Variants in RPS6KC1 observed in about 807,000 individuals in gnomAD.
RPS6KC1 encodes the protein ribosomal protein S6 kinase C1, also known as inactive ribosomal protein S6 kinase delta-1.
RPS6KC1 carries 54 observed loss-of-function variants against 103.8 expected under a neutral mutation model. The observed-to-expected ratio is 0.52, with a 90% CI of 0.42 to 0.65. The LOEUF is 0.65. RPS6KC1 is among the 30% of genes least tolerant of loss of function. The probability of loss-of-function intolerance (pLI) is 0.00; values close to 1 mark genes in which losing one functional copy is unlikely to be tolerated. For missense variants in RPS6KC1, 1,151 were observed against 1,253.8 expected (o/e 0.92, Z 1.24); for synonymous variants, 439 against 438.7 (o/e 1.00, Z -0.01).
the RPS6KC1 span, among the ~76,000 whole-genome samples, chr1:213,470,895 G>A: frequency 6.6e-6 from 1 of 152,082 alleles, no homozygotes; most frequent in African/African-American, 2.4e-5. Flanking sequence ...AAAGTGCTGG[G>A]ATTACAGGCC....
At chr1:213,418,376 C>T in the RPS6KC1 span, among the ~76,000 whole-genome samples, 6 of 152,024 alleles carry the variant, frequency 3.9e-5, no homozygotes, top group Non-Finnish European at 7.4e-5. Flanking sequence ...AACACAGCTT[C>T]GCCCTGAGGA....
At position 213,167,978 on chromosome 1, in the gene RPS6KC1, G is replaced by T; in HGVS notation, c.951+5G>T. On this transcript the variant is annotated splice_donor_5th_base_variant and intron_variant, in intron 7 of 14. Coordinates refer to ENST00000366960, the MANE Select transcript of RPS6KC1 (RefSeq NM_012424.6). ...CAGCTTGATGATGTATCTCAGGTAT[G>T]TCTCATATTTTGTTGTGTGTTTTCT... is the stretch of plus-strand genomic sequence containing the variant. 1 of 1,578,578 alleles carries T rather than the reference G, an allele frequency of 6.3e-7. No homozygotes were observed. The highest frequency in any genetic ancestry group is 1.3e-5 in the African/African-American group (1 of 74,198).
the RPS6KC1 span, among the ~76,000 whole-genome samples, chr1:213,537,063 CA>C: frequency 2.0e-5 from 3 of 152,162 alleles, no homozygotes; most frequent in Non-Finnish European, 4.4e-5. Flanking sequence ...CAACTGCTTG[CA>C]AAGAGCATGC....
At chr1:213,638,221 G>A in the RPS6KC1 span, among the ~76,000 whole-genome samples, 9 of 151,992 alleles carry the variant, frequency 5.9e-5, no homozygotes, top group African/African-American at 1.7e-4. Flanking sequence ...AATTTTTGCC[G>A]AATTTTTAGC....
chr1:213,177,794 C>T (rs2091972861), intron 8 of RPS6KC1, among the ~76,000 whole-genome samples: 1 of 151,970 alleles, frequency 6.6e-6, no homozygotes, highest in Non-Finnish European at 1.5e-5. Flanking sequence ...CAGTGTCTGC[C>T]CCCTCTCTTA....
At chr1:213,727,844 G>A in the RPS6KC1 span, among the ~76,000 whole-genome samples, 1 of 152,234 alleles carries the variant, frequency 6.6e-6, no homozygotes, top group African/African-American at 2.4e-5. Context: ...AGGAAAGAAA[G>A]TTGTGGAGAG....
chr1:213,332,039 A>G, the RPS6KC1 span, among the ~76,000 whole-genome samples: 1 of 152,094 alleles, frequency 6.6e-6, no homozygotes, highest in Non-Finnish European at 1.5e-5. Flanking sequence ...TAAAAAAAAA[A>G]AAAAAAAGAC....
chr1:213,528,762 G>T, the RPS6KC1 span, among the ~76,000 whole-genome samples: 3 of 152,146 alleles, frequency 2.0e-5, no homozygotes, highest in Non-Finnish European at 4.4e-5. Flanking sequence ...CTTGGACAGG[G>T]TTTCACCCTG....
chr1:213,496,828 T>G, the RPS6KC1 span, among the ~76,000 whole-genome samples: 1 of 152,202 alleles, frequency 6.6e-6, no homozygotes, highest in Non-Finnish European at 1.5e-5. Context: ...CAGTTAGTTG[T>G]ATCCATCTTG....
chr1:213,834,560 C>G, the RPS6KC1 span, among the ~76,000 whole-genome samples: 1 of 152,138 alleles, frequency 6.6e-6, no homozygotes, highest in African/African-American at 2.4e-5. Flanking sequence ...AGAGCAAAGT[C>G]TTCAAAAGAC....
intron 6 of RPS6KC1, among the ~76,000 whole-genome samples, chr1:213,138,416 TTGTG>T (rs1268656103): frequency 6.6e-6 from 1 of 152,174 alleles, no homozygotes; most frequent in Non-Finnish European, 1.5e-5. Flanking sequence ...CATAGGTAAA[TTGTG>T]TGTCACAGGA....
intron 8 of RPS6KC1, among the ~76,000 whole-genome samples, chr1:213,180,767 G>C (rs894768858): frequency 9.9e-5 from 15 of 151,968 alleles, no homozygotes; most frequent in Non-Finnish European, 1.6e-4. Flanking sequence ...TGTGTGGTAC[G>C]AATATACGGG....
chr1:213,857,040 T>A, the RPS6KC1 span, among the ~76,000 whole-genome samples: 1 of 152,256 alleles, frequency 6.6e-6, no homozygotes, highest in East Asian at 1.9e-4. Flanking sequence ...GCTATGATAT[T>A]AGTCTTATAT....
the RPS6KC1 span, among the ~76,000 whole-genome samples, chr1:213,489,557 A>G: frequency 6.6e-6 from 1 of 152,202 alleles, no homozygotes; most frequent in Non-Finnish European, 1.5e-5. Context: ...AAAGAACATA[A>G]CACACCATCC....
chr1:213,281,242 G>A, the RPS6KC1 span, among the ~76,000 whole-genome samples: 2 of 152,182 alleles, frequency 1.3e-5, no homozygotes, highest in African/African-American at 2.4e-5. Flanking sequence ...TCTCACTTGC[G>A]CATATACCTG....
chr1:213,689,765 G>A, the RPS6KC1 span, among the ~76,000 whole-genome samples: 1 of 152,196 alleles, frequency 6.6e-6, no homozygotes, highest in African/African-American at 2.4e-5. Flanking sequence ...GGATTCTGTT[G>A]CCATAGTTCT....
intron 12 of RPS6KC1, among the ~76,000 whole-genome samples, chr1:213,252,139 C>G (rs2094556818): frequency 6.6e-6 from 1 of 152,184 alleles, no homozygotes. Flanking sequence ...AAGACTAATG[C>G]TCAGCCCCTG....
chr1:213,126,804 A>G (rs770873212), intron 5 of RPS6KC1, among the ~76,000 whole-genome samples: 1 of 152,152 alleles, frequency 6.6e-6, no homozygotes, highest in African/African-American at 2.4e-5. Context: ...TATATTGTCT[A>G]TGGCTGCTTT....
chr1:213,501,900 G>A, the RPS6KC1 span, among the ~76,000 whole-genome samples: 389 of 152,282 alleles, frequency 2.6e-3, 3 homozygotes, highest in African/African-American at 8.7e-3. Flanking sequence ...CATGCAATCT[G>A]CAAGTTTGTA....
Sources: gnomAD v4.1 joint callset for allele counts (sites outside exome capture counted in the v4.1 genomes callset) on GRCh38, gnomAD v4.1.1 for gene constraint, MANE v1.5 for transcripts, NCBI Gene and HGNC (gene_info 2026-07-23, HGNC 2026-07-21) for gene names.